Variants in EGFR observed in about 807,000 individuals in gnomAD.
The protein encoded by EGFR is avian erythroblastic leukemia viral (v-erb-b) oncogene homolog.
EGFR carries 58 observed loss-of-function variants against 143.0 expected under a neutral mutation model. The observed-to-expected ratio is 0.41, with a 90% confidence interval of 0.33 to 0.50. The LOEUF (loss-of-function observed/expected upper bound fraction) is 0.50. EGFR is among the 20% of genes least tolerant of loss of function. EGFR has a pLI of 0.39. For missense variants in EGFR, 1,307 were observed against 1,579.0 expected (o/e 0.83, Z 2.92); for synonymous variants, 613 against 594.4 (o/e 1.03, Z -0.45).
intron 1 of EGFR, among the ~76,000 whole-genome samples, chr7:55,094,319 C>T (rs2128896457): frequency 6.6e-6 from 1 of 152,298 alleles, no homozygotes; most frequent in Non-Finnish European, 1.5e-5. Flanking sequence ...TTTGTGCAGC[C>T]TGCAGAGCAC....
At chr7:55,135,689 G>C (rs1298784675) in intron 1 of EGFR, among the ~76,000 whole-genome samples, 1 of 151,978 alleles carries the variant, frequency 6.6e-6, no homozygotes, top group Non-Finnish European at 1.5e-5. Context: ...CACAACTATA[G>C]GTTTTCTAGT....
chr7:55,117,371 G>A (rs149283696), intron 1 of EGFR, among the ~76,000 whole-genome samples: 6 of 152,326 alleles, frequency 3.9e-5, no homozygotes, highest in African/African-American at 1.2e-4. Context: ...TCTACAAGGA[G>A]GGGCATTTCC....
chr7:55,201,358 A>G lies in EGFR; in HGVS notation c.3114+3A>G, dbSNP rs1325755695. On this transcript the variant is annotated splice_donor_region_variant and intron_variant, in intron 25 of 27. Coordinates refer to ENST00000275493, the MANE Select transcript of EGFR (RefSeq NM_005228.5). ...GGACTCCCCTCCTGAGCTCTCTGGT[A>G]TGAAATCTCTGTCTCTCTCTCTCTC... 7 of 1,614,110 alleles carry G rather than the reference A, an allele frequency of 4.3e-6. 1 individual carries two copies. Among genetic ancestry groups the G allele is most frequent in the Non-Finnish European group, 4.2e-6 (5 of 1,180,020 alleles).
chr7:55,171,139 T>C (rs1786330123), intron 15 of EGFR, 36 bp from the exon 16 acceptor site: 1 of 1,613,626 alleles, frequency 6.2e-7, no homozygotes, highest in Non-Finnish European at 8.5e-7. Flanking sequence ...AGAAGTAGAA[T>C]GAGAAAAATG....
At chr7:55,071,024 G>A (rs751361058) in intron 1 of EGFR, among the ~76,000 whole-genome samples, 2 of 152,218 alleles carry the variant, frequency 1.3e-5, no homozygotes. Context: ...TGTGCCAAAC[G>A]CCGCTAGCAG....
intron 1 of EGFR, among the ~76,000 whole-genome samples, chr7:55,072,325 G>A (rs1325477454): frequency 6.6e-6 from 1 of 152,120 alleles, no homozygotes; most frequent in African/African-American, 2.4e-5. Flanking sequence ...ATTATATCAC[G>A]GACAAAAGCA....
At chr7:55,098,760 A>T (rs772958145) in intron 1 of EGFR, among the ~76,000 whole-genome samples, 1 of 152,222 alleles carries the variant, frequency 6.6e-6, no homozygotes, top group South Asian at 2.1e-4. Flanking sequence ...CTGGCCCTCC[A>T]CACTGCCAGC....
chr7:55,199,161 G>A (rs530293965), intron 23 of EGFR, among the ~76,000 whole-genome samples: 4 of 152,274 alleles, frequency 2.6e-5, no homozygotes, highest in East Asian at 1.9e-4. Context: ...ATGAAATACC[G>A]AGTTGCCCTA....
intron 1 of EGFR, among the ~76,000 whole-genome samples, chr7:55,113,637 A>G (rs1242459253): frequency 6.6e-6 from 1 of 152,190 alleles, no homozygotes; most frequent in African/African-American, 2.4e-5. Flanking sequence ...TAGATTCACT[A>G]TTTCATCCAA....
chr7:55,086,801 T>C (rs1254989935), intron 1 of EGFR, among the ~76,000 whole-genome samples: 1 of 152,224 alleles, frequency 6.6e-6, no homozygotes, highest in African/African-American at 2.4e-5. Flanking sequence ...GAGAACAGAC[T>C]TTCTTCCTCT....
At chr7:55,045,498 G>T (rs907453107) in intron 1 of EGFR, among the ~76,000 whole-genome samples, 9 of 152,126 alleles carry the variant, frequency 5.9e-5, no homozygotes, top group African/African-American at 1.7e-4. Flanking sequence ...GACAGCTAAG[G>T]TTCCTTCCGT....
At chr7:55,136,134 A>C (rs17336261) in intron 1 of EGFR, among the ~76,000 whole-genome samples, 6 of 152,156 alleles carry the variant, frequency 3.9e-5, no homozygotes, top group Non-Finnish European at 8.8e-5. Flanking sequence ...AGTATAGCAA[A>C]AGAAATGACC....
chr7:55,097,771 A>T (rs1276664180), intron 1 of EGFR, among the ~76,000 whole-genome samples: 1 of 152,074 alleles, frequency 6.6e-6, no homozygotes, highest in African/African-American at 2.4e-5. Context: ...GACAGCGCAG[A>T]TAGATTCTGT....
chr7:55,163,975 G>A (rs940911511), intron 14 of EGFR, 152 bp downstream of exon 14: 10 of 819,862 alleles, frequency 1.2e-5, no homozygotes, highest in Admixed American at 7.8e-5. Flanking sequence ...AGCGCTGTCC[G>A]GGCAGGGTGT....
At chr7:55,081,585 G>T (rs565593957) in intron 1 of EGFR, among the ~76,000 whole-genome samples, 1 of 152,170 alleles carries the variant, frequency 6.6e-6, no homozygotes, top group Non-Finnish European at 1.5e-5. Flanking sequence ...TCTCTCCATA[G>T]CTAAAGCAAA....
chr7:55,187,893 T>C (rs2128962113), intron 20 of EGFR, among the ~76,000 whole-genome samples: 1 of 152,294 alleles, frequency 6.6e-6, no homozygotes, highest in Admixed American at 6.5e-5. Flanking sequence ...AGGGGGATCC[T>C]GGAAGATGAG....
At chr7:55,027,991 A>AAAAATATATATAT (rs1554311534) in intron 1 of EGFR, among the ~76,000 whole-genome samples, 1 of 54,990 alleles carries the variant, frequency 1.8e-5, no homozygotes, top group Non-Finnish European at 3.7e-5. Flanking sequence ...AAAAAAAAAA[A>AAAAATATATATAT]ATATATATAT....
chr7:55,023,783 T>G (rs1786722403), intron 1 of EGFR, among the ~76,000 whole-genome samples: 2 of 152,238 alleles, frequency 1.3e-5, no homozygotes, highest in African/African-American at 4.8e-5. Context: ...GGTTTATTCT[T>G]GAACCACTAA....
intron 1 of EGFR, among the ~76,000 whole-genome samples, chr7:55,129,981 C>A (rs1171758008): frequency 6.6e-6 from 1 of 152,196 alleles, no homozygotes; most frequent in Admixed American, 6.5e-5. Context: ...TGGAGCATGA[C>A]TATATGTATT....
Sources: gnomAD v4.1 joint callset for allele counts (sites outside exome capture counted in the v4.1 genomes callset) on GRCh38, gnomAD v4.1.1 for gene constraint, MANE v1.5 for transcripts, NCBI Gene and HGNC (gene_info 2026-07-23, HGNC 2026-07-21) for gene names.